ZNF704: variants seen among roughly 807,000 people sequenced by gnomAD.
ZNF704 encodes glucocorticoid induced gene 1.
ZNF704 carries 10 observed loss-of-function variants against 44.7 expected under a neutral mutation model. That is an observed-to-expected ratio of 0.22 (90% CI 0.14 to 0.38). The LOEUF is 0.38. Ranked by LOEUF, ZNF704 falls within the 10% of genes least tolerant of loss-of-function variation. The pLI is 1.00. For synonymous variants in ZNF704, 211 were observed against 207.6 expected, an observed-to-expected ratio of 1.02 and a Z score of -0.14; for missense variants, 390 against 545.5, an observed-to-expected ratio of 0.71 and a Z score of 2.84.
At chr8:80,769,923 G>T (rs532618827) in intron 2 of ZNF704, among the ~76,000 whole-genome samples, 95 of 152,298 alleles carry the variant, frequency 6.2e-4, no homozygotes, top group African/African-American at 2.2e-3. Context: ...AAGGAAAGAG[G>T]TTTATTGGAT....
At chr8:80,836,143 G>A (rs1189682875) in intron 1 of ZNF704, among the ~76,000 whole-genome samples, 1 of 152,102 alleles carries the variant, frequency 6.6e-6, no homozygotes, top group African/African-American at 2.4e-5. Flanking sequence ...CATTTATTCA[G>A]AACAAAAGCC....
intron 2 of ZNF704, among the ~76,000 whole-genome samples, chr8:80,805,300 A>G (rs1042314574): frequency 6.6e-6 from 1 of 152,156 alleles, no homozygotes; most frequent in Non-Finnish European, 1.5e-5. Flanking sequence ...AAACTGGAGC[A>G]AGAAAATTCC....
chr8:80,675,229 T>C (rs1818344971), intron 4 of ZNF704, among the ~76,000 whole-genome samples: 1 of 152,182 alleles, frequency 6.6e-6, no homozygotes, highest in Non-Finnish European at 1.5e-5. Flanking sequence ...TTTCCAGGCA[T>C]AGCGAAGAGT....
At chr8:80,867,760 A>G (rs1809181462) in intron 1 of ZNF704, among the ~76,000 whole-genome samples, 1 of 152,242 alleles carries the variant, frequency 6.6e-6, no homozygotes, top group Admixed American at 6.5e-5. Context: ...GATATTCAAG[A>G]GATAGTCTAA....
Position 80,874,426 on chromosome 8 carries a change from C to T in ZNF704, c.-22+145G>A, listed in dbSNP as rs1241066766. On this transcript the variant is annotated intron_variant, in intron 1 of 8. Transcript: ENST00000327835. The surrounding 1 kb of genome is among the most constrained non-coding windows in gnomAD (Gnocchi z 4.4). The stretch of plus-strand genomic sequence containing the variant: ...TCCCGGCCGGCTGCGCCCGCGCGCT[C>T]CGGGCCTACCGCTGCCGTGCCTCGG... The T allele has an allele frequency of 6.7e-6, 1 of 149,936 alleles. No individual in the cohort carries two copies. The highest frequency in any genetic ancestry group is 2.0e-4 in the East Asian group (1 of 5,102). The allele number at this position is 149,936 out of a possible 1,614,324, so 9.3% of individuals were successfully genotyped here.
chr8:80,829,424 A>G (rs1808432260), intron 1 of ZNF704, among the ~76,000 whole-genome samples: 1 of 152,222 alleles, frequency 6.6e-6, no homozygotes, highest in African/African-American at 2.4e-5. Context: ...TGATGATTAT[A>G]AATTGCTTCT....
chr8:80,767,361 A>G (rs1019972335), intron 2 of ZNF704, among the ~76,000 whole-genome samples: 4 of 151,954 alleles, frequency 2.6e-5, no homozygotes, highest in Non-Finnish European at 4.4e-5. Flanking sequence ...ACCAGTGTTA[A>G]AATTATGTAA....
chr8:80,825,636 C>T (rs952626606), intron 1 of ZNF704, among the ~76,000 whole-genome samples: 2 of 152,318 alleles, frequency 1.3e-5, no homozygotes, highest in Admixed American at 1.3e-4. Flanking sequence ...CTTCTCAGCA[C>T]CACACTGCAC....
intron 4 of ZNF704, among the ~76,000 whole-genome samples, chr8:80,683,658 A>T (rs1399919866): frequency 6.6e-6 from 1 of 152,230 alleles, no homozygotes; most frequent in Non-Finnish European, 1.5e-5. Context: ...CACAATGGGG[A>T]TAAGAATACA....
intron 1 of ZNF704, among the ~76,000 whole-genome samples, chr8:80,863,169 T>C (rs1809098230): frequency 6.6e-6 from 1 of 152,212 alleles, no homozygotes; most frequent in Admixed American, 6.5e-5. Flanking sequence ...TTCCACTTTT[T>C]CTAATATTTT....
intron 1 of ZNF704, among the ~76,000 whole-genome samples, chr8:80,846,789 C>T (rs1163244165): frequency 6.6e-6 from 1 of 152,178 alleles, no homozygotes. Flanking sequence ...AGATACCCAG[C>T]TCAGCAAGAT....
intron 1 of ZNF704, among the ~76,000 whole-genome samples, chr8:80,833,175 G>A (rs555490988): frequency 1.3e-5 from 2 of 152,108 alleles, no homozygotes; most frequent in African/African-American, 2.4e-5. Flanking sequence ...GTGAAACCCC[G>A]TCTCTACTAA....
At chr8:80,671,336 C>T (rs1818275065) in intron 4 of ZNF704, among the ~76,000 whole-genome samples, 1 of 152,084 alleles carries the variant, frequency 6.6e-6, no homozygotes, top group Non-Finnish European at 1.5e-5. Context: ...GCCATGTTGC[C>T]CAGGCTGCGG....
rs912265199 is a variant in ZNF704 at position 80,638,958 on chromosome 8, G to C, written c.*2408C>G. ...ATACCTGTGCACTGGCTGAACACCA[G>C]ATAAGGACTGAGCTTGGCTCAGCTA... is the stretch of plus-strand genomic sequence containing the variant. On this transcript the variant is annotated 3_prime_UTR_variant, in exon 9 of 9. Transcript: ENST00000327835. 1 of 152,372 alleles carries C rather than the reference G, an allele frequency of 6.6e-6. No individual in the cohort carries two copies. The highest frequency in any genetic ancestry group is 6.5e-5 in the Admixed American group (1 of 15,288). The allele number at this position is 152,372 out of a possible 1,614,324, so 9.4% of individuals were successfully genotyped here.
At chr8:80,715,168 C>T (rs1032261563) in intron 2 of ZNF704, among the ~76,000 whole-genome samples, 3 of 152,104 alleles carry the variant, frequency 2.0e-5, no homozygotes, top group Non-Finnish European at 2.9e-5. Flanking sequence ...TTCACTTCCC[C>T]GTTTTCATGA....
intron 4 of ZNF704, among the ~76,000 whole-genome samples, chr8:80,675,112 A>G (rs960498723): frequency 7.9e-5 from 12 of 152,252 alleles, no homozygotes; most frequent in Non-Finnish European, 1.3e-4. Flanking sequence ...GACATAAATT[A>G]TAATACATGA....
rs1348114403 is a variant in ZNF704 at position 80,874,231 on chromosome 8, CCGGCGGGGACGCCGGCGGCCGGCGGCTA to C, written c.-22+312_-22+339del. On this transcript the variant is annotated intron_variant, in intron 1 of 8. Transcript: ENST00000327835. The surrounding 1 kb of genome is among the most constrained non-coding windows in gnomAD (Gnocchi z 4.4). ...GCGGGCGCCGCCTTCGCTGGACCGG[CCGGCGGGGACGCCGGCGGCCGGCGGCTA>C]CGGCGGGGCGGCGCGGCGGCCGCGG... 3.4e-5 allele frequency among the ~76,000 whole-genome samples: 5 copies of C among 145,158 alleles called. No homozygotes were observed. Among genetic ancestry groups the C allele is most frequent in the African/African-American group, 5.0e-5 (2 of 40,278 alleles).
chr8:80,778,960 C>A (rs1807464149), intron 2 of ZNF704, among the ~76,000 whole-genome samples: 1 of 152,028 alleles, frequency 6.6e-6, no homozygotes, highest in South Asian at 2.1e-4. Flanking sequence ...CCTGGTGACA[C>A]AAGTTTACTT....
intron 1 of ZNF704, among the ~76,000 whole-genome samples, chr8:80,825,189 G>A (rs1166227268): frequency 6.6e-6 from 1 of 152,020 alleles, no homozygotes; most frequent in Non-Finnish European, 1.5e-5. Flanking sequence ...CATCTCACGT[G>A]CAGAGACACA....
Sources: allele counts gnomAD v4.1 joint callset (sites outside exome capture counted in the v4.1 genomes callset), GRCh38; gene constraint gnomAD v4.1.1; non-coding constraint Gnocchi (gnomAD v3.1); transcripts MANE v1.5; gene names NCBI Gene and HGNC (gene_info 2026-07-23, HGNC 2026-07-21).